PCDHA7: variants seen among roughly 807,000 people sequenced by gnomAD.
PCDHA7 encodes protocadherin alpha 7, also known as protocadherin alpha-7.
A neutral mutation model predicts 57.2 loss-of-function variants in PCDHA7; 37 were observed. The observed-to-expected ratio is 0.65, with a 90% CI of 0.50 to 0.85. The LOEUF (loss-of-function observed/expected upper bound fraction) is 0.85. Ranked by LOEUF, PCDHA7 falls within the 40% of genes least tolerant of loss-of-function variation. The pLI is 0.00. For missense variants in PCDHA7, 1,188 were observed against 1,241.8 expected, an observed-to-expected ratio of 0.96 and a Z score of 0.65; for synonymous variants, 553 against 558.8, an observed-to-expected ratio of 0.99 and a Z score of 0.15.
intron 1 of PCDHA7, chr5:140,882,224 G>A (rs781909276): frequency 1.5e-5 from 24 of 1,558,680 alleles, no homozygotes; most frequent in Non-Finnish European, 1.9e-5. Flanking sequence ...TTGAGGTAAG[G>A]CGTTGTATAT....
rs145248721 is a variant in PCDHA7 at position 140,849,849 on chromosome 5, G to A, written c.2355+13111G>A. 13 of 1,598,556 alleles carry A rather than the reference G, an allele frequency of 8.1e-6. 1 individual carries two copies. The South Asian group carries it at 1.1e-4, about 14-fold the overall frequency. On this transcript the variant is annotated intron_variant, in intron 1 of 3. Coordinates refer to ENST00000525929, the MANE Select transcript of PCDHA7 (RefSeq NM_018910.3). Reference sequence around the variant, plus strand: ...GGAGGTGGCCGACGTGAACGACAACGCACCAGCGTTCGCGCAGTCCGAGTA... The same window carrying A: ...GGAGGTGGCCGACGTGAACGACAACACACCAGCGTTCGCGCAGTCCGAGTA...
intron 1 of PCDHA7, chr5:140,967,360 G>A: frequency 1.2e-6 from 2 of 1,607,656 alleles, no homozygotes; most frequent in South Asian, 1.1e-5. Context: ...TGGACCTTAA[G>A]CCCCTGCAGG....
At chr5:140,840,486 A>G (rs1263185469) in intron 1 of PCDHA7, among the ~76,000 whole-genome samples, 5 of 152,034 alleles carry the variant, frequency 3.3e-5, no homozygotes, top group Admixed American at 3.3e-4. Context: ...TAAAGGCATA[A>G]TTCTGGTAAA....
At chr5:140,949,663 T>C (rs1038571728) in intron 1 of PCDHA7, among the ~76,000 whole-genome samples, 2 of 151,872 alleles carry the variant, frequency 1.3e-5, no homozygotes, top group Non-Finnish European at 3.0e-5. Flanking sequence ...TTTGTTTCTT[T>C]AAAGTATGCC....
chr5:140,874,630 G>A (rs1299205823), intron 1 of PCDHA7, among the ~76,000 whole-genome samples: 2 of 152,212 alleles, frequency 1.3e-5, no homozygotes, highest in Non-Finnish European at 2.9e-5. Context: ...TTACATTAAA[G>A]TGCTTTACTT....
chr5:140,875,351 G>C, intron 1 of PCDHA7: 1 of 1,445,562 alleles, frequency 6.9e-7, no homozygotes, highest in Non-Finnish European at 9.1e-7. Context: ...CATAATGACT[G>C]TGATGCTGGA....
In PCDHA7 at chr5:140,875,574, C is replaced by T. The variant is rs368911944; in HGVS notation, c.2355+38836C>T. On this transcript the variant is annotated intron_variant, in intron 1 of 3. Coordinates refer to ENST00000525929, the MANE Select transcript of PCDHA7 (RefSeq NM_018910.3). ...TGGGGAGCGGCCAGCTCCACTACTC[C>T]GTCTACGAGGAGGCCAAACACGGCA... 7 of 1,613,978 alleles carry T rather than the reference C, an allele frequency of 4.3e-6. No homozygotes were observed. The African/African-American group carries it at 9.3e-5, about 22-fold the overall frequency.
intron 1 of PCDHA7, chr5:140,857,029 A>G: frequency 1.3e-6 from 2 of 1,596,504 alleles, no homozygotes; most frequent in Non-Finnish European, 1.7e-6. Context: ...AGGGAAACCC[A>G]CCTATGGTTG....
intron 1 of PCDHA7, chr5:140,875,175 T>G (rs1301346750): frequency 5.0e-6 from 2 of 399,086 alleles, no homozygotes; most frequent in African/African-American, 4.1e-5. Context: ...GTCGAAACAT[T>G]AGAATTAAGA....
intron 3 of PCDHA7, among the ~76,000 whole-genome samples, chr5:140,997,525 A>G (rs1293979369): frequency 6.6e-6 from 1 of 152,242 alleles, no homozygotes; most frequent in African/African-American, 2.4e-5. Flanking sequence ...AAAAAGTACA[A>G]TAAAAATACA....
At chr5:140,911,654 T>C (rs1554194855) in intron 1 of PCDHA7, among the ~76,000 whole-genome samples, 1 of 152,218 alleles carries the variant, frequency 6.6e-6, no homozygotes, top group Non-Finnish European at 1.5e-5. Flanking sequence ...ATAGAGTTAC[T>C]AAACTCCTTG....
At chr5:140,892,013 C>T (rs2063353338) in intron 1 of PCDHA7, among the ~76,000 whole-genome samples, 1 of 152,206 alleles carries the variant, frequency 6.6e-6, no homozygotes, top group South Asian at 2.1e-4. Context: ...GTTATAGCAG[C>T]ACAAATGGTC....
intron 1 of PCDHA7, among the ~76,000 whole-genome samples, chr5:140,955,510 T>G (rs1554221967): frequency 6.6e-6 from 1 of 152,154 alleles, no homozygotes; most frequent in Non-Finnish European, 1.5e-5. Context: ...AAAGACGTGT[T>G]TGCTTTCCCT....
At position 140,875,429 on chromosome 5, in the gene PCDHA7, C is replaced by T. The variant is rs781965482; in HGVS notation, c.2355+38691C>T. ...CATAAAATACCTCAGGCAAGCGATCCCTTAAAACTGATTGTCCCAACTCAG... is the reference window on the plus strand; with the variant it reads ...CATAAAATACCTCAGGCAAGCGATCTCTTAAAACTGATTGTCCCAACTCAG... On this transcript the variant is annotated intron_variant, in intron 1 of 3. Transcript: ENST00000525929. The T allele has an allele frequency of 1.9e-6, 3 of 1,551,972 alleles. No homozygotes were observed. In the Admixed American group the frequency reaches 6.1e-5, roughly 32 times the overall value.
chr5:140,896,536 CT>C (rs34213614), intron 1 of PCDHA7, among the ~76,000 whole-genome samples: 112 of 145,476 alleles, frequency 7.7e-4, no homozygotes, highest in Admixed American at 9.6e-4. Flanking sequence ...AGCTATTTTT[CT>C]TTTTTTTTTT....
intron 1 of PCDHA7, chr5:140,867,337 G>A (rs1299796408): frequency 6.6e-6 from 1 of 152,004 alleles, no homozygotes; most frequent in African/African-American, 2.4e-5. Flanking sequence ...GTTTTGATTA[G>A]AGGCTACTAT....
intron 1 of PCDHA7, chr5:140,862,954 T>C (rs781926222): frequency 1.5e-5 from 8 of 542,620 alleles, no homozygotes; most frequent in Non-Finnish European, 2.2e-5. Flanking sequence ...TGGTGCGGTA[T>C]TCAGTGGATG....
intron 3 of PCDHA7, among the ~76,000 whole-genome samples, chr5:140,987,213 C>CAA (rs58319157): frequency 8.4e-5 from 10 of 118,874 alleles, no homozygotes; most frequent in Non-Finnish European, 1.2e-4. Flanking sequence ...GACTCCATCT[C>CAA]AAAAAAAAAA....
chr5:140,893,050 A>T (rs967159859), intron 1 of PCDHA7, among the ~76,000 whole-genome samples: 1 of 152,248 alleles, frequency 6.6e-6, no homozygotes, highest in Non-Finnish European at 1.5e-5. Context: ...CTCCAGGCTC[A>T]GCCATACTGC....
Sources: allele counts gnomAD v4.1 joint callset (sites outside exome capture counted in the v4.1 genomes callset), GRCh38; gene constraint gnomAD v4.1.1; transcripts MANE v1.5; gene names NCBI Gene and HGNC (gene_info 2026-07-23, HGNC 2026-07-21).